Variants in GLRA2 observed in about 807,000 individuals in gnomAD.
GLRA2 encodes the protein glycine receptor alpha 2, also known as glycine receptor subunit alpha-2.
In GLRA2, 11 loss-of-function variants were observed where a neutral mutation model predicts 31.6. The observed-to-expected ratio is 0.35, with a 90% CI of 0.22 to 0.58. The LOEUF (loss-of-function observed/expected upper bound fraction) is 0.58, where lower values mean the gene tolerates loss of function less well. Ranked by LOEUF, GLRA2 falls within the 20% of genes least tolerant of loss-of-function variation. The probability of loss-of-function intolerance (pLI) is 0.84; values close to 1 mark genes in which losing one functional copy is unlikely to be tolerated. For missense variants in GLRA2, 212 were observed against 351.8 expected (o/e 0.60, Z 3.18); for synonymous variants, 132 against 134.0 (o/e 0.99, Z 0.10).
intron 3 of GLRA2, among the ~76,000 whole-genome samples, chrX:14,575,436 G>A (rs2089943655): frequency 9.1e-6 from 1 of 110,448 alleles, no homozygotes; most frequent in Non-Finnish European, 1.9e-5. Context: ...TTGACCTCAG[G>A]TGATCCACCT....
intron 3 of GLRA2, among the ~76,000 whole-genome samples, chrX:14,575,411 G>A (rs1441480008): frequency 9.1e-6 from 1 of 110,254 alleles, no homozygotes; most frequent in Non-Finnish European, 1.9e-5. Context: ...TCTTGGCCAG[G>A]CTGGTCTTGA....
At chrX:14,550,575 G>C (rs757733096) in intron 2 of GLRA2, among the ~76,000 whole-genome samples, 156 of 110,980 alleles carry the variant, frequency 1.4e-3, no homozygotes, top group African/African-American at 5.0e-3. Context: ...AGCATGGGCT[G>C]GTCCTGGGCA....
At chrX:14,470,614 G>A in the GLRA2 span, among the ~76,000 whole-genome samples, 3 of 111,634 alleles carry the variant, frequency 2.7e-5, no homozygotes, top group Non-Finnish European at 5.7e-5. Flanking sequence ...GAAAAGGCTA[G>A]AACAAATTCT....
intron 7 of GLRA2, among the ~76,000 whole-genome samples, chrX:14,629,138 C>G (rs766229045): frequency 4.5e-5 from 5 of 111,455 alleles, no homozygotes; most frequent in Non-Finnish European, 9.4e-5. Context: ...GAAGACACAT[C>G]ATAAGGGATG....
chrX:14,652,704 C>G (rs1335594787), intron 7 of GLRA2, among the ~76,000 whole-genome samples: 1 of 111,155 alleles, frequency 9.0e-6, no homozygotes, highest in African/African-American at 3.3e-5. Flanking sequence ...TGTGTTCTCA[C>G]TTCTCTATGA....
chrX:14,633,193 G>A lies in GLRA2; in HGVS notation c.930+23988G>A, dbSNP rs140083689. On this transcript the variant is annotated intron_variant, in intron 7 of 8. Transcript: ENST00000218075. ...AAGGGAGATTCATATCTTAATACTT[G>A]ATTTGTAAATACAATGAATTGGCTA... Among the ~76,000 whole-genome samples the A allele has an allele frequency of 7.3e-3, 816 of 112,065 alleles. 8 individuals carry two copies. Among genetic ancestry groups the A allele is most frequent in the African/African-American group, 0.025 (773 of 30,864 alleles).
upstream of GLRA2, among the ~76,000 whole-genome samples, chrX:14,526,019 G>A (rs1363050081): frequency 8.9e-6 from 1 of 112,126 alleles, no homozygotes; most frequent in Non-Finnish European, 1.9e-5. Flanking sequence ...TCATACACAT[G>A]TATACATACA....
the GLRA2 span, among the ~76,000 whole-genome samples, chrX:14,499,378 A>G: frequency 1.8e-5 from 2 of 111,047 alleles, no homozygotes; most frequent in Non-Finnish European, 3.8e-5. Flanking sequence ...CATTTTTTTC[A>G]TATACCCATT....
At chrX:14,559,519 C>T (rs941190519) in intron 2 of GLRA2, among the ~76,000 whole-genome samples, 10 of 96,405 alleles carry the variant, frequency 1.0e-4, no homozygotes, top group Admixed American at 3.6e-4. Flanking sequence ...TGGGTTCAAG[C>T]GATTCTCCTG....
intron 7 of GLRA2, among the ~76,000 whole-genome samples, chrX:14,644,358 GT>G (rs1192187767): frequency 9.0e-6 from 1 of 111,559 alleles, no homozygotes; most frequent in Non-Finnish European, 1.9e-5. Context: ...AAATACAGTA[GT>G]TTTTTTTAGG....
At chrX:14,451,207 C>T in the GLRA2 span, among the ~76,000 whole-genome samples, 1 of 111,507 alleles carries the variant, frequency 9.0e-6, no homozygotes, top group Admixed American at 9.5e-5. Context: ...AGCACATAGC[C>T]CACAGACCCT....
At chrX:14,713,642 T>C (rs1212425496) in intron 8 of GLRA2, among the ~76,000 whole-genome samples, 9 of 111,850 alleles carry the variant, frequency 8.0e-5, no homozygotes, top group African/African-American at 2.6e-4. Flanking sequence ...GAAAAATATA[T>C]TTCACTATAG....
At chrX:14,677,266 T>C (rs2091154605) in intron 7 of GLRA2, among the ~76,000 whole-genome samples, 1 of 111,277 alleles carries the variant, frequency 9.0e-6, no homozygotes, top group African/African-American at 3.3e-5. Context: ...TTTGAATTTA[T>C]ATAGCACTTG....
intron 4 of GLRA2, among the ~76,000 whole-genome samples, chrX:14,598,157 T>A (rs1569506115): frequency 8.9e-6 from 1 of 111,758 alleles, no homozygotes; most frequent in African/African-American, 3.3e-5. Flanking sequence ...ACTCTCTTGT[T>A]CGTCCTGAAA....
chrX:14,518,108 T>C, the GLRA2 span, among the ~76,000 whole-genome samples: 1 of 111,705 alleles, frequency 9.0e-6, no homozygotes, highest in Admixed American at 9.5e-5. Flanking sequence ...ATTGAAATGG[T>C]ACTGAACCCT....
chrX:14,545,543 A>G (rs1023095901), intron 2 of GLRA2, among the ~76,000 whole-genome samples: 10 of 111,793 alleles, frequency 8.9e-5, no homozygotes, highest in Admixed American at 2.8e-4. Context: ...CACAGCACTG[A>G]TTAAGTTTGT....
At chrX:14,649,448 TG>T (rs1390370868) in intron 7 of GLRA2, among the ~76,000 whole-genome samples, 1 of 110,937 alleles carries the variant, frequency 9.0e-6, no homozygotes, top group East Asian at 2.8e-4. Context: ...GGACTGGTGG[TG>T]ATCATTAAAT....
chrX:14,644,725 A>G (rs748428787), intron 7 of GLRA2, among the ~76,000 whole-genome samples: 111 of 112,162 alleles, frequency 9.9e-4, no homozygotes, highest in African/African-American at 3.4e-3. Context: ...TGTTCTACCA[A>G]GCAATAATTT....
chrX:14,702,997 A>G (rs2091567039), intron 8 of GLRA2, among the ~76,000 whole-genome samples: 1 of 111,643 alleles, frequency 9.0e-6, no homozygotes, highest in Non-Finnish European at 1.9e-5. Context: ...CCTCTGGGTC[A>G]GAGAGCTTCA....
Sources: allele counts gnomAD v4.1 joint callset (sites outside exome capture counted in the v4.1 genomes callset), GRCh38; gene constraint gnomAD v4.1.1; transcripts MANE v1.5; gene names NCBI Gene and HGNC (gene_info 2026-07-23, HGNC 2026-07-21).